Variants in CDH2 observed in about 807,000 individuals in gnomAD.
CDH2 encodes cadherin-2.
A neutral mutation model predicts 92.0 loss-of-function variants in CDH2; 17 were observed. The observed-to-expected ratio is 0.18, with a 90% confidence interval of 0.13 to 0.28. The LOEUF (loss-of-function observed/expected upper bound fraction) is 0.28. Among genes scored for constraint, CDH2 ranks in the 10% least tolerant of loss-of-function variants. The probability of loss-of-function intolerance (pLI) is 1.00; values close to 1 mark genes in which losing one functional copy is unlikely to be tolerated. For synonymous variants in CDH2, 419 were observed against 415.9 expected, an observed-to-expected ratio of 1.01 and a Z score of -0.09; for missense variants, 862 against 1,133.1, an observed-to-expected ratio of 0.76 and a Z score of 3.44.
rs559356650 is a variant in CDH2 at position 28,167,126 on chromosome 18, T to C, written c.60+9837A>G. 7.2e-5 allele frequency among the ~76,000 whole-genome samples: 11 copies of C among 152,238 alleles called. No homozygotes were observed. The South Asian group carries it at 1.9e-3, about 26-fold the overall frequency. ...AAGCATCGCTGAAAAGATTAGAGTC[T>C]GTTAACACCTAAATCTTCTGATTAA... On this transcript the variant is annotated intron_variant, in intron 1 of 15. Coordinates refer to ENST00000269141, the MANE Select transcript of CDH2 (RefSeq NM_001792.5).
At chr18:27,963,615 A>C in intron 14 of CDH2, 94 bp from the exon 15 acceptor site, 1 of 1,054,860 alleles carries the variant, frequency 9.5e-7, no homozygotes, top group Non-Finnish European at 1.4e-6. Context: ...GAACACATAG[A>C]AATGAGGAAA....
chr18:28,059,542 C>T (rs1247090645), intron 2 of CDH2, among the ~76,000 whole-genome samples: 1 of 152,178 alleles, frequency 6.6e-6, no homozygotes, highest in Non-Finnish European at 1.5e-5. Context: ...ACCAATTAAA[C>T]TCTATAACTA....
chr18:28,107,961 G>A (rs542368659), intron 2 of CDH2, among the ~76,000 whole-genome samples: 29 of 152,274 alleles, frequency 1.9e-4, no homozygotes, highest in Admixed American at 5.2e-4. Flanking sequence ...CTACTGATGA[G>A]ATTTATCTTC....
At chr18:27,969,712 G>A (rs1164457948) in intron 14 of CDH2, among the ~76,000 whole-genome samples, 1 of 152,174 alleles carries the variant, frequency 6.6e-6, no homozygotes, top group Non-Finnish European at 1.5e-5. Flanking sequence ...ATGAAAGTTT[G>A]GCCAGGTACG....
At chr18:27,993,362 G>GA in intron 8 of CDH2, 138 bp downstream of exon 8, 3 of 802,758 alleles carry the variant, frequency 3.7e-6, no homozygotes, top group Non-Finnish European at 5.9e-6. Context: ...CCTGATGACA[G>GA]AAATGTCCGA....
At chr18:28,165,926 T>C (rs1054472260) in intron 1 of CDH2, among the ~76,000 whole-genome samples, 2 of 151,494 alleles carry the variant, frequency 1.3e-5, no homozygotes, top group Non-Finnish European at 2.9e-5. Flanking sequence ...TGTATATATG[T>C]CACCACATAT....
At chr18:28,017,339 G>C (rs1041107695) in intron 2 of CDH2, among the ~76,000 whole-genome samples, 12 of 151,996 alleles carry the variant, frequency 7.9e-5, no homozygotes, top group African/African-American at 2.4e-4. Flanking sequence ...GTTTAATCTA[G>C]GAGGGTTGTA....
intron 2 of CDH2, among the ~76,000 whole-genome samples, chr18:28,024,401 T>C (rs2013494409): frequency 6.6e-6 from 1 of 151,160 alleles, no homozygotes; most frequent in Non-Finnish European, 1.5e-5. Flanking sequence ...TGTAGGCATG[T>C]ACAAATCTAG....
chr18:28,003,527 T>G (rs1599025682), intron 6 of CDH2, among the ~76,000 whole-genome samples: 1 of 152,318 alleles, frequency 6.6e-6, no homozygotes, highest in East Asian at 1.9e-4. Flanking sequence ...AAGTAATTTA[T>G]TGCCGCTGAT....
At chr18:27,957,003 G>T (rs773229568) in intron 15 of CDH2, among the ~76,000 whole-genome samples, 7 of 152,074 alleles carry the variant, frequency 4.6e-5, no homozygotes, top group Non-Finnish European at 8.8e-5. Flanking sequence ...AACCACGACT[G>T]AATTATGCAC....
Position 28,119,498 on chromosome 18 carries a change from T to C in CDH2, c.172+28175A>G, listed in dbSNP as rs2015551158. On this transcript the variant is annotated intron_variant, in intron 2 of 15. Transcript: ENST00000269141. Reference sequence around the variant, plus strand: ...AATTCTAGAATTTGAGATCATCAGGTTTTGCAAATTTAGATGTTTTATGCA... The same window carrying C: ...AATTCTAGAATTTGAGATCATCAGGCTTTGCAAATTTAGATGTTTTATGCA... 2.6e-5 allele frequency among the ~76,000 whole-genome samples: 4 copies of C among 152,236 alleles called. No individual in the cohort carries two copies. The South Asian group carries it at 8.3e-4, about 32-fold the overall frequency.
chr18:27,971,502 T>C (rs1193527814), intron 14 of CDH2, among the ~76,000 whole-genome samples: 2 of 152,108 alleles, frequency 1.3e-5, no homozygotes, highest in Non-Finnish European at 2.9e-5. Flanking sequence ...ACAGGAATGA[T>C]GAAGGAAAAG....
downstream of CDH2, among the ~76,000 whole-genome samples, chr18:27,946,544 C>T (rs1327114064): frequency 6.6e-6 from 1 of 151,828 alleles, no homozygotes; most frequent in African/African-American, 2.4e-5. Context: ...AAACCTATCC[C>T]CAAAATGATA....
chr18:28,166,799 G>A (rs2016392236), intron 1 of CDH2, among the ~76,000 whole-genome samples: 1 of 152,114 alleles, frequency 6.6e-6, no homozygotes, highest in Admixed American at 6.5e-5. Context: ...GATTCCTTAA[G>A]TCTTCATCAT....
rs2011512598 is a variant in CDH2 at position 27,965,567 on chromosome 18, A to C, written c.2350-2046T>G. ...GAGTATTTCAAATCATCCATACAAA[A>C]CTTGAGAAAAAACACCTTGATCTTG... On this transcript the variant is annotated intron_variant, in intron 14 of 15. Coordinates refer to ENST00000269141, the MANE Select transcript of CDH2 (RefSeq NM_001792.5). 4.6e-5 allele frequency among the ~76,000 whole-genome samples: 7 copies of C among 152,162 alleles called. No homozygotes were observed. The South Asian group carries it at 1.5e-3, about 32-fold the overall frequency.
chr18:28,068,939 T>C (rs2014564602), intron 2 of CDH2, among the ~76,000 whole-genome samples: 1 of 152,212 alleles, frequency 6.6e-6, no homozygotes, highest in African/African-American at 2.4e-5. Flanking sequence ...ATCTTTATTC[T>C]TTCTCTTTTG....
intron 2 of CDH2, among the ~76,000 whole-genome samples, chr18:28,023,934 A>C (rs1325620627): frequency 6.6e-6 from 1 of 152,146 alleles, no homozygotes; most frequent in Admixed American, 6.6e-5. Context: ...GATAGTGAAC[A>C]TATAGGCTGG....
chr18:28,131,683 G>GTTTTGTGTGT (rs374374605), intron 2 of CDH2, among the ~76,000 whole-genome samples: 4 of 150,196 alleles, frequency 2.7e-5, no homozygotes, highest in Non-Finnish European at 5.9e-5. Flanking sequence ...AAGCATTTGT[G>GTTTTGTGTGT]GTGTGTGTGT....
chr18:27,939,332 C>T (rs970739976), intron 6 of CDH2, among the ~76,000 whole-genome samples: 4 of 152,136 alleles, frequency 2.6e-5, no homozygotes, highest in Non-Finnish European at 5.9e-5. Context: ...CTGTCACTCC[C>T]CACTGCACTA....
Sources: allele counts gnomAD v4.1 joint callset (sites outside exome capture counted in the v4.1 genomes callset), GRCh38; gene constraint gnomAD v4.1.1; transcripts MANE v1.5; gene names NCBI Gene and HGNC (gene_info 2026-07-23, HGNC 2026-07-21).